The following GSTO1 variants were observed in gnomAD, a reference collection of about 807,000 sequenced individuals.
GSTO1 encodes glutathione S-transferase omega-1.
GSTO1 carries 27 observed loss-of-function variants against 23.8 expected under a neutral mutation model. The observed-to-expected ratio is 1.13, with a 90% CI of 0.83 to 1.56. The LOEUF is 1.56. Among genes scored for constraint, GSTO1 ranks in the 40% most tolerant of loss-of-function variants. The pLI is 0.00. For missense variants in GSTO1, 255 were observed against 285.8 expected (o/e 0.89, Z 0.78); for synonymous variants, 105 against 109.3 (o/e 0.96, Z 0.25).
At chr10:104,262,856 G>A (rs1230945606) in intron 3 of GSTO1, 123 bp from the exon 4 acceptor site, 1 of 516,810 alleles carries the variant, frequency 1.9e-6, no homozygotes, top group African/African-American at 1.9e-5. Context: ...GGAACTTGAT[G>A]CACCCTTGGT....
chr10:104,254,917 C>T lies in GSTO1; in HGVS notation c.-12C>T, dbSNP rs1421163060. The T allele has an allele frequency of 4.3e-6, 7 of 1,610,936 alleles. No homozygotes were observed. Among genetic ancestry groups the T allele is most frequent in the Admixed American group, 1.7e-5 (1 of 59,724 alleles). On this transcript the variant is annotated 5_prime_UTR_variant, in exon 1 of 6. Transcript: ENST00000369713. ...GCAAACCCCAGAGGAGCTCGGCCTG[C>T]GCTGCGCCACGATGTCCGGGGAGTC...
At position 104,258,502 on chromosome 10, in the gene GSTO1, G is replaced by A. The variant is rs1354741762; in HGVS notation, c.144-1074G>A. Among the ~76,000 whole-genome samples, 3 of 152,214 alleles carry A rather than the reference G, an allele frequency of 2.0e-5. No homozygotes were observed. In the East Asian group the frequency reaches 5.8e-4, roughly 29 times the overall value. ...TTGCAAACCACATACCTGGTAAGGG[G>A]TTAATCTCCAAAATACATAAGGAAT... On this transcript the variant is annotated intron_variant, in intron 2 of 5. Transcript: ENST00000369713.
rs770704605 is a variant in GSTO1, at chr10:104,255,270, AG to A, written c.143+1del. 28 of 1,598,550 alleles carry A rather than the reference AG, an allele frequency of 1.8e-5. No homozygotes were observed. The highest frequency in any genetic ancestry group is 3.3e-5 in the Admixed American group (2 of 59,942). On this transcript the variant is annotated frameshift_variant and splice_region_variant, in exon 2 of 6. Coordinates refer to ENST00000369713, the MANE Select transcript of GSTO1 (RefSeq NM_004832.3). LOFTEE classifies it high-confidence loss of function. The stretch of plus-strand genomic sequence containing the variant: ...TCTAGTCCTGAAGGCCAAGGGAATC[AG>A]GTGGGCACCCAGGCGGGGGACGCTC... ...TRLVLKAKGI[R>X]HEVININLKN...
chr10:104,254,807 CG>C, upstream of GSTO1: 2 of 956,710 alleles, frequency 2.1e-6, no homozygotes, highest in Admixed American at 2.0e-5. Context: ...TGGCGGCCGC[CG>C]GGGGCAGGCA....
intron 4 of GSTO1, among the ~76,000 whole-genome samples, chr10:104,265,444 A>G (rs1399039743): frequency 6.6e-6 from 1 of 151,772 alleles, no homozygotes; most frequent in African/African-American, 2.4e-5. Context: ...GCTATTACAA[A>G]TAGTGCTGCA....
Position 104,255,240 on chromosome 10 carries a change from A to T in GSTO1, c.112A>T (p.Thr38Ser). 1 of 1,613,210 alleles carries T rather than the reference A, an allele frequency of 6.2e-7. No individual in the cohort carries two copies. The highest frequency in any genetic ancestry group is 8.5e-7 in the Non-Finnish European group (1 of 1,179,242). The change falls in exon 2 of 6, where the codon ACG becomes TCG. Residue 38 changes from threonine (T) to serine (S), a missense_variant. Coordinates refer to ENST00000369713, the MANE Select transcript of GSTO1 (RefSeq NM_004832.3). ...GAGGTTCTGCCCGTTTGCTGAGAGGACGCGTCTAGTCCTGAAGGCCAAGGG... is the reference window on the plus strand; with the variant it reads ...GAGGTTCTGCCCGTTTGCTGAGAGGTCGCGTCTAGTCCTGAAGGCCAAGGG... ...SMRFCPFAER[T>S]RLVLKAKGIR...
chr10:104,262,300 CAGTG>C (rs1228098885), intron 3 of GSTO1, among the ~76,000 whole-genome samples: 1 of 152,230 alleles, frequency 6.6e-6, no homozygotes, highest in Non-Finnish European at 1.5e-5. Context: ...GGACTGGCAG[CAGTG>C]AGTGCTTCCC....
chr10:104,260,048 G>C (rs1264630973), intron 3 of GSTO1, among the ~76,000 whole-genome samples: 1 of 151,918 alleles, frequency 6.6e-6, no homozygotes, highest in Non-Finnish European at 1.5e-5. Context: ...TCCCAAATTC[G>C]CCCCTTTCTC....
chr10:104,260,127 ATG>A (rs1382658592), intron 3 of GSTO1, among the ~76,000 whole-genome samples: 1 of 151,988 alleles, frequency 6.6e-6, no homozygotes, highest in African/African-American at 2.4e-5. Flanking sequence ...CATTTTTCAC[ATG>A]TCTGCTCCGA....
In GSTO1 at chr10:104,267,368, T is replaced by A; in HGVS notation, c.689T>A (p.Leu230Ter). ...TGGCAAGGTTTCCTAGAGCTCTACT[T>A]ACAGAACAGCCCTGAGGCCTGTGAC... Reference protein sequence around the residue: ...KDWQGFLELYLQNSPEACDYG... With the variant: ...KDWQGFLELY The change falls in exon 6 of 6, where the codon TTA (leucine) becomes TAA (stop). Residue 230 changes from leucine (L) to a stop codon, truncating the protein, a stop_gained. Coordinates refer to ENST00000369713, the MANE Select transcript of GSTO1 (RefSeq NM_004832.3). LOFTEE classifies it high-confidence loss of function. 2 of 1,613,766 alleles carry A rather than the reference T, an allele frequency of 1.2e-6. No homozygotes were observed. Among genetic ancestry groups the A allele is most frequent in the East Asian group, 4.5e-5 (2 of 44,872 alleles).
At position 104,267,441 on chromosome 10, in the gene GSTO1, AT is replaced by A; in HGVS notation, c.*40del. ...AGTCAGCAATAAAGCTATGTCTGAT[AT>A]TTTCCTTCACTAATATGAATAATAG... On this transcript the variant is annotated 3_prime_UTR_variant, in exon 6 of 6. Coordinates refer to ENST00000369713, the MANE Select transcript of GSTO1 (RefSeq NM_004832.3). 1 of 1,505,180 alleles carries A rather than the reference AT, an allele frequency of 6.6e-7. No individual in the cohort carries two copies. 93.2% of individuals were successfully genotyped at this position (1,505,180 alleles called of 1,614,324 possible).
intron 3 of GSTO1, among the ~76,000 whole-genome samples, chr10:104,261,939 C>T (rs1351390813): frequency 1.3e-5 from 2 of 152,200 alleles, no homozygotes; most frequent in African/African-American, 4.8e-5. Flanking sequence ...CCCTTTTGAA[C>T]AGTCTCCTGG....
chr10:104,256,065 G>C (rs1323079395), intron 2 of GSTO1, among the ~76,000 whole-genome samples: 1 of 152,222 alleles, frequency 6.6e-6, no homozygotes, highest in Non-Finnish European at 1.5e-5. Context: ...TGTGTGCTTA[G>C]TGTTTGTGAA....
chr10:104,260,585 AGC>A (rs2011130684), intron 3 of GSTO1, among the ~76,000 whole-genome samples: 1 of 152,234 alleles, frequency 6.6e-6, no homozygotes, highest in African/African-American at 2.4e-5. Flanking sequence ...TACCTTACTT[AGC>A]ATCAACACTG....
chr10:104,258,600 G>C (rs17881537), intron 2 of GSTO1, among the ~76,000 whole-genome samples: 11 of 152,136 alleles, frequency 7.2e-5, no homozygotes, highest in Admixed American at 7.2e-4. Flanking sequence ...TCTCAGGCTG[G>C]GCATGGTAGC....
intron 2 of GSTO1, among the ~76,000 whole-genome samples, chr10:104,258,798 C>T (rs1000711862): frequency 3.3e-5 from 5 of 151,760 alleles, no homozygotes; most frequent in African/African-American, 1.2e-4. Context: ...CAGTGAGCTG[C>T]GATCAAGCCA....
At chr10:104,262,673 C>A (rs1366349414) in intron 3 of GSTO1, among the ~76,000 whole-genome samples, 1 of 152,186 alleles carries the variant, frequency 6.6e-6, no homozygotes, top group Non-Finnish European at 1.5e-5. Context: ...GATCGTGCCA[C>A]TGCATTCCAG....
chr10:104,261,364 T>G (rs562177403), intron 3 of GSTO1, among the ~76,000 whole-genome samples: 1 of 152,334 alleles, frequency 6.6e-6, no homozygotes, highest in East Asian at 1.9e-4. Context: ...GGTGGCTTTA[T>G]GTACATATGA....
At chr10:104,263,729 G>A (rs138066464) in intron 4 of GSTO1, among the ~76,000 whole-genome samples, 1 of 152,218 alleles carries the variant, frequency 6.6e-6, no homozygotes, top group Non-Finnish European at 1.5e-5. Context: ...TAAGCATGAT[G>A]TTTGCTGTAG....
Sources: allele counts gnomAD v4.1 joint callset (sites outside exome capture counted in the v4.1 genomes callset), GRCh38; gene constraint gnomAD v4.1.1; transcripts MANE v1.5; gene names NCBI Gene and HGNC (gene_info 2026-07-23, HGNC 2026-07-21).